Variants in DIP2C observed in about 807,000 individuals in gnomAD.
DIP2C encodes the protein DIP2 acetate--CoA ligase C (putative).
A neutral mutation model predicts 192.4 loss-of-function variants in DIP2C; 33 were observed. That is an observed-to-expected ratio of 0.17 (90% confidence interval 0.13 to 0.23). The LOEUF is 0.23. Among genes scored for constraint, DIP2C ranks in the 10% least tolerant of loss-of-function variants. The pLI is 1.00. For missense variants in DIP2C, 1,537 were observed against 2,110.1 expected (o/e 0.73, Z 5.32); for synonymous variants, 979 against 864.1 (o/e 1.13, Z -2.33).
intron 2 of DIP2C, among the ~76,000 whole-genome samples, chr10:480,009 C>T (rs1375210763): frequency 4.9e-5 from 7 of 143,458 alleles, no homozygotes; most frequent in African/African-American, 7.9e-5. Context: ...CTCCAGTCGA[C>T]GCTCACTGGA....
intron 1 of DIP2C, among the ~76,000 whole-genome samples, chr10:658,226 T>C (rs758096933): frequency 6.9e-3 from 1,039 of 151,168 alleles, no homozygotes; most frequent in Non-Finnish European, 0.012. Context: ...GACCTGCCGC[T>C]GGACCTGCCG....
At chr10:431,953 T>C (rs758702794) in intron 4 of DIP2C, among the ~76,000 whole-genome samples, 96 of 152,238 alleles carry the variant, frequency 6.3e-4, no homozygotes, top group Non-Finnish European at 1.2e-3. Context: ...GCTTTTATTA[T>C]GAGTGTTAGA....
chr10:421,589 A>G (rs1487951183), intron 5 of DIP2C, among the ~76,000 whole-genome samples: 1 of 152,328 alleles, frequency 6.6e-6, no homozygotes, highest in South Asian at 2.1e-4. Flanking sequence ...ACAGGTTATT[A>G]ATTCACATAA....
At chr10:533,837 C>A (rs1847549950) in intron 1 of DIP2C, among the ~76,000 whole-genome samples, 1 of 152,090 alleles carries the variant, frequency 6.6e-6, no homozygotes, top group South Asian at 2.1e-4. Flanking sequence ...CTGAGGCCGT[C>A]TTGAACCGTG....
chr10:348,879 T>G, intron 25 of DIP2C, 117 bp from the exon 26 acceptor site: 2 of 1,444,758 alleles, frequency 1.4e-6, no homozygotes, highest in South Asian at 2.5e-5. Flanking sequence ...GCAGCTGAGC[T>G]TCTCACAGCC....
intron 32 of DIP2C, among the ~76,000 whole-genome samples, chr10:301,812 C>T (rs7918643): frequency 0.21 from 32,137 of 152,158 alleles, 4,069 homozygotes; most frequent in African/African-American, 0.35. Flanking sequence ...CAGGGGATGT[C>T]TGGAGAGTCG....
chr10:421,605 T>C (rs1453491505), intron 5 of DIP2C, among the ~76,000 whole-genome samples: 1 of 152,234 alleles, frequency 6.6e-6, no homozygotes, highest in Admixed American at 6.5e-5. Flanking sequence ...CATAAACCAG[T>C]GTACATGTTC....
intron 1 of DIP2C, chr10:667,752 ACAC>A (rs1362666645): frequency 6.6e-6 from 1 of 152,286 alleles, no homozygotes; most frequent in Non-Finnish European, 1.5e-5. Flanking sequence ...CATACAGCAC[ACAC>A]AACTCATAAC....
At chr10:422,628 G>A (rs946860274) in intron 5 of DIP2C, among the ~76,000 whole-genome samples, 196 bp downstream of exon 5, 5 of 152,230 alleles carry the variant, frequency 3.3e-5, no homozygotes, top group African/African-American at 9.6e-5. Context: ...CCCTGGAATT[G>A]CAGCTGTGGG....
chr10:543,634 A>G (rs1490974798), intron 1 of DIP2C, among the ~76,000 whole-genome samples: 2 of 152,370 alleles, frequency 1.3e-5, no homozygotes, highest in African/African-American at 2.4e-5. Flanking sequence ...TAAGATCCTC[A>G]GAAAATGAAG....
At chr10:590,577 C>CA (rs2131635100) in intron 1 of DIP2C, among the ~76,000 whole-genome samples, 1 of 152,272 alleles carries the variant, frequency 6.6e-6, no homozygotes, top group South Asian at 2.1e-4. Flanking sequence ...TTCGATTCAA[C>CA]AAGATAATTT....
At position 387,572 on chromosome 10, in the gene DIP2C, C is replaced by T. The variant is rs148848077; in HGVS notation, c.1662+173G>A. Among the ~76,000 whole-genome samples, 1,040 of 117,758 alleles carry T rather than the reference C, an allele frequency of 8.8e-3. 17 individuals carry two copies. The highest frequency in any genetic ancestry group is 0.031 in the Admixed American group (342 of 10,928). The allele number at this position is 117,758 out of a possible 152,430, so 77.3% of individuals were successfully genotyped here. ...TGGACAGGCAGGGCGGGGTGGGGGG[C>T]GACTCCTGTGTGGACAGGCAGGGTG... On this transcript the variant is annotated intron_variant, in intron 14 of 36. Transcript: ENST00000280886.
At chr10:285,382 G>C (rs376181228) in intron 34 of DIP2C, among the ~76,000 whole-genome samples, 1 of 152,188 alleles carries the variant, frequency 6.6e-6, no homozygotes, top group African/African-American at 2.4e-5. Flanking sequence ...ATTCAGGAAG[G>C]GGGGCGCCTC....
intron 1 of DIP2C, among the ~76,000 whole-genome samples, chr10:639,233 T>C (rs1472597845): frequency 7.8e-6 from 1 of 127,554 alleles, no homozygotes; most frequent in African/African-American, 3.1e-5. Flanking sequence ...GGTCCACACA[T>C]GGGGACGCGT....
intron 1 of DIP2C, among the ~76,000 whole-genome samples, chr10:514,570 C>T (rs1007227843): frequency 6.6e-6 from 1 of 152,212 alleles, no homozygotes; most frequent in African/African-American, 2.4e-5. Context: ...CAGACCAGAC[C>T]TCACTCCAAG....
intron 29 of DIP2C, among the ~76,000 whole-genome samples, chr10:337,518 T>TGTGC (rs1292307780): frequency 2.1e-5 from 3 of 141,144 alleles, no homozygotes; most frequent in Admixed American, 7.0e-5. Context: ...TCTGTGTGTG[T>TGTGC]GTGCGTGCGT....
intron 1 of DIP2C, among the ~76,000 whole-genome samples, chr10:549,191 G>A (rs1184903625): frequency 1.3e-5 from 2 of 152,150 alleles, no homozygotes; most frequent in Non-Finnish European, 2.9e-5. Context: ...ACTGCTAAGT[G>A]CGATAAAGTT....
chr10:588,615 G>A (rs981605942), intron 1 of DIP2C, among the ~76,000 whole-genome samples: 14 of 152,236 alleles, frequency 9.2e-5, no homozygotes, highest in Non-Finnish European at 5.9e-5. Context: ...AAGTCCAAGC[G>A]CAGAGGCTCG....
At chr10:281,537 C>T (rs1954819988) in intron 35 of DIP2C, among the ~76,000 whole-genome samples, 1 of 152,206 alleles carries the variant, frequency 6.6e-6, no homozygotes, top group African/African-American at 2.4e-5. Context: ...GGCTGCAAAG[C>T]CGCCATGCGC....
Sources: gnomAD v4.1 joint callset for allele counts (sites outside exome capture counted in the v4.1 genomes callset) on GRCh38, gnomAD v4.1.1 for gene constraint, MANE v1.5 for transcripts, NCBI Gene and HGNC (gene_info 2026-07-23, HGNC 2026-07-21) for gene names.